BBS9: variants seen among roughly 807,000 people sequenced by gnomAD.
BBS9 encodes protein PTHB1.
BBS9 carries 89 observed loss-of-function variants against 117.7 expected under a neutral mutation model. The ratio of observed to expected loss-of-function variants is 0.76; its 90% confidence interval spans 0.64 to 0.90. The LOEUF (loss-of-function observed/expected upper bound fraction) is 0.90. Ranked by LOEUF, BBS9 falls within the 40% of genes least tolerant of loss-of-function variation. The pLI is 0.00. For synonymous variants in BBS9, 379 were observed against 370.9 expected, an observed-to-expected ratio of 1.02 and a Z score of -0.25; for missense variants, 982 against 1,042.2, an observed-to-expected ratio of 0.94 and a Z score of 0.80.
chr7:33,191,467 G>A (rs1260608050), intron 5 of BBS9, among the ~76,000 whole-genome samples: 1 of 152,126 alleles, frequency 6.6e-6, no homozygotes, highest in Non-Finnish European at 1.5e-5. Flanking sequence ...TATCCACCTT[G>A]CTTTTGGTTT....
intron 9 of BBS9, among the ~76,000 whole-genome samples, chr7:33,333,650 G>GT (rs1814639497): frequency 6.6e-6 from 1 of 151,492 alleles, no homozygotes; most frequent in Non-Finnish European, 1.5e-5. Context: ...GAGTCTTGCT[G>GT]TGTTGCCCAG....
intron 20 of BBS9, 101 bp from the exon 21 acceptor site, chr7:33,533,853 A>T: frequency 7.3e-7 from 1 of 1,368,494 alleles, no homozygotes; most frequent in Non-Finnish European, 1.0e-6. Flanking sequence ...ACAGGTTCCC[A>T]ACACTTGAAC....
At chr7:33,154,347 T>C (rs1382661586) in intron 3 of BBS9, among the ~76,000 whole-genome samples, 3 of 152,066 alleles carry the variant, frequency 2.0e-5, no homozygotes, top group Non-Finnish European at 4.4e-5. Context: ...AGGTGCAGAG[T>C]CAGAACCCCC....
intron 21 of BBS9, among the ~76,000 whole-genome samples, chr7:33,632,497 G>A (rs1455904999): frequency 6.6e-6 from 1 of 152,194 alleles, no homozygotes; most frequent in Non-Finnish European, 1.5e-5. Flanking sequence ...CCCTCGCCCC[G>A]CTCGCGGCTG....
intron 19 of BBS9, among the ~76,000 whole-genome samples, chr7:33,441,550 C>A (rs1254922271): frequency 6.6e-6 from 1 of 152,034 alleles, no homozygotes; most frequent in Non-Finnish European, 1.5e-5. Context: ...ATGTCTATTT[C>A]TTTAGAATGT....
intron 20 of BBS9, among the ~76,000 whole-genome samples, chr7:33,524,534 C>T (rs1585120145): frequency 6.6e-6 from 1 of 152,184 alleles, no homozygotes; most frequent in Non-Finnish European, 1.5e-5. Flanking sequence ...AGTTTATTTG[C>T]GTAGAGGTGT....
At chr7:33,449,549 G>A (rs533097751) in intron 19 of BBS9, among the ~76,000 whole-genome samples, 5 of 152,246 alleles carry the variant, frequency 3.3e-5, no homozygotes, top group South Asian at 4.1e-4. Flanking sequence ...AGCCGTGAGG[G>A]CTTGGGATGG....
At chr7:33,164,587 G>A (rs1795369757) in intron 4 of BBS9, among the ~76,000 whole-genome samples, 1 of 152,058 alleles carries the variant, frequency 6.6e-6, no homozygotes, top group South Asian at 2.1e-4. Flanking sequence ...TTATGTAATG[G>A]CCTTCTTTGT....
chr7:33,183,036 A>G (rs1798304837), intron 5 of BBS9, among the ~76,000 whole-genome samples: 1 of 152,172 alleles, frequency 6.6e-6, no homozygotes, highest in Non-Finnish European at 1.5e-5. Context: ...GTGTCCCCCC[A>G]TAACTTCCAT....
chr7:33,158,314 A>G (rs996212577), intron 4 of BBS9, among the ~76,000 whole-genome samples: 3 of 152,172 alleles, frequency 2.0e-5, no homozygotes, highest in African/African-American at 7.2e-5. Context: ...TGTTGCATAA[A>G]TGTTTGAATA....
chr7:33,558,054 G>A (rs1024413778), intron 21 of BBS9, among the ~76,000 whole-genome samples: 8 of 152,104 alleles, frequency 5.3e-5, no homozygotes, highest in African/African-American at 1.9e-4. Context: ...TAACTGAAGA[G>A]GTGATTTTGC....
At chr7:33,487,867 A>G (rs1843332283) in intron 19 of BBS9, among the ~76,000 whole-genome samples, 1 of 152,160 alleles carries the variant, frequency 6.6e-6, no homozygotes, top group African/African-American at 2.4e-5. Context: ...GTCTCTTTTA[A>G]CATAAAAAGA....
At chr7:33,480,584 C>A (rs1842397206) in intron 19 of BBS9, among the ~76,000 whole-genome samples, 1 of 152,090 alleles carries the variant, frequency 6.6e-6, no homozygotes, top group Non-Finnish European at 1.5e-5. Flanking sequence ...TGTATCTTGA[C>A]CTAATGTTAA....
At chr7:33,136,727 T>C (rs1367191024) in intron 1 of BBS9, among the ~76,000 whole-genome samples, 5 of 152,214 alleles carry the variant, frequency 3.3e-5, no homozygotes, top group Non-Finnish European at 7.3e-5. Context: ...TTCAATTAGC[T>C]AGTAGTATTT....
chr7:33,255,878 C>T (rs1412471386), intron 5 of BBS9, among the ~76,000 whole-genome samples: 2 of 152,104 alleles, frequency 1.3e-5, no homozygotes, highest in African/African-American at 2.4e-5. Flanking sequence ...AAAGCTTAGG[C>T]TGGGCGTGGT....
At chr7:33,504,848 CTT>C (rs751086164) in intron 19 of BBS9, among the ~76,000 whole-genome samples, 7 of 140,122 alleles carry the variant, frequency 5.0e-5, no homozygotes, top group Admixed American at 7.2e-5. Context: ...ACACCCTGAA[CTT>C]TTTTTTTTTT....
chr7:33,558,597 A>C (rs1356786766), intron 21 of BBS9, among the ~76,000 whole-genome samples: 1 of 152,172 alleles, frequency 6.6e-6, no homozygotes, highest in East Asian at 1.9e-4. Flanking sequence ...TTAGAAATGA[A>C]AATTCTTGAA....
At chr7:33,508,392 A>T (rs926137229) in intron 20 of BBS9, among the ~76,000 whole-genome samples, 1 of 152,190 alleles carries the variant, frequency 6.6e-6, no homozygotes, top group Non-Finnish European at 1.5e-5. Context: ...TCTTTATTCA[A>T]AATATGTCTG....
intron 21 of BBS9, among the ~76,000 whole-genome samples, chr7:33,584,175 A>C (rs1483161070): frequency 6.6e-6 from 1 of 151,998 alleles, no homozygotes; most frequent in African/African-American, 2.4e-5. Flanking sequence ...TATATTTTAC[A>C]TGTATTTTGT....
Sources: allele counts gnomAD v4.1 joint callset (sites outside exome capture counted in the v4.1 genomes callset), GRCh38; gene constraint gnomAD v4.1.1; transcripts MANE v1.5; gene names NCBI Gene and HGNC (gene_info 2026-07-23, HGNC 2026-07-21).